C10orf67: variants seen among roughly 807,000 people sequenced by gnomAD.
The protein encoded by C10orf67 is chromosome 10 open reading frame 67.
In C10orf67, 60 loss-of-function variants were observed where a neutral mutation model predicts 35.6. The observed-to-expected ratio is 1.68, with a 90% confidence interval of 1.37 to 2.09. The LOEUF (loss-of-function observed/expected upper bound fraction) is 2.09. C10orf67 is among the 30% of genes most tolerant of loss of function. The pLI is 0.00. For missense variants in C10orf67, 474 were observed against 330.2 expected, an observed-to-expected ratio of 1.44 and a Z score of -3.38; for synonymous variants, 167 against 115.8, an observed-to-expected ratio of 1.44 and a Z score of -2.84.
intron 8 of C10orf67, among the ~76,000 whole-genome samples, chr10:23,279,885 C>A (rs1843316721): frequency 6.6e-6 from 1 of 152,044 alleles, no homozygotes; most frequent in Non-Finnish European, 1.5e-5. Context: ...GTGTCTTGCT[C>A]TGTCGCCCGG....
chr10:23,233,301 A>C (rs1164945381), intron 13 of C10orf67, among the ~76,000 whole-genome samples: 1 of 152,234 alleles, frequency 6.6e-6, no homozygotes, highest in Non-Finnish European at 1.5e-5. Flanking sequence ...AAGGTTAAAA[A>C]ACACAACATA....
intron 15 of C10orf67, among the ~76,000 whole-genome samples, chr10:23,215,668 C>G (rs1841413250): frequency 6.6e-6 from 1 of 151,878 alleles, no homozygotes; most frequent in African/African-American, 2.4e-5. Context: ...CCTTTATATC[C>G]AAACTACATA....
intron 5 of C10orf67, among the ~76,000 whole-genome samples, chr10:23,302,831 A>G (rs1844130820): frequency 6.6e-6 from 1 of 152,232 alleles, no homozygotes; most frequent in Non-Finnish European, 1.5e-5. Flanking sequence ...TGCAACAGGA[A>G]AAACTGAGGG....
chr10:23,293,441 T>C (rs1262847356), intron 5 of C10orf67, among the ~76,000 whole-genome samples: 1 of 152,192 alleles, frequency 6.6e-6, no homozygotes, highest in Non-Finnish European at 1.5e-5. Flanking sequence ...CGGTGCTCTG[T>C]TACACTCTGA....
At chr10:23,309,613 A>G (rs962954720) in intron 4 of C10orf67, among the ~76,000 whole-genome samples, 5 of 152,212 alleles carry the variant, frequency 3.3e-5, no homozygotes, top group African/African-American at 1.2e-4. Context: ...ATTATGAGAA[A>G]GTGATGCAGG....
At chr10:23,303,714 T>C (rs1307903673) in intron 4 of C10orf67, among the ~76,000 whole-genome samples, 2 of 152,248 alleles carry the variant, frequency 1.3e-5, no homozygotes, top group African/African-American at 4.8e-5. Context: ...ACACAAAGCA[T>C]GGTCAGTTAC....
intron 1 of C10orf67, among the ~76,000 whole-genome samples, chr10:23,337,126 T>TATGAATGAATGA (rs562404120): frequency 2.6e-5 from 4 of 152,078 alleles, no homozygotes; most frequent in African/African-American, 9.7e-5. Flanking sequence ...TCCATACTGA[T>TATGAATGAATGA]ATGAATGAAT....
At chr10:23,261,458 C>T (rs748710011) in intron 10 of C10orf67, among the ~76,000 whole-genome samples, 31 of 152,114 alleles carry the variant, frequency 2.0e-4, no homozygotes, top group East Asian at 9.6e-4. Flanking sequence ...ACCACAGACA[C>T]GCACTAACAC....
At chr10:23,220,281 T>C (rs915733385) in intron 15 of C10orf67, among the ~76,000 whole-genome samples, 2 of 152,140 alleles carry the variant, frequency 1.3e-5, no homozygotes, top group Admixed American at 1.3e-4. Flanking sequence ...GGCTTTAGCT[T>C]GGGATTATAC....
intron 13 of C10orf67, among the ~76,000 whole-genome samples, chr10:23,231,344 A>G (rs1841910108): frequency 1.3e-5 from 2 of 152,136 alleles, no homozygotes. Context: ...CTTGCCCTGG[A>G]CTTTCTCTTT....
chr10:23,206,815 A>G (rs1841169413), intron 15 of C10orf67, among the ~76,000 whole-genome samples: 1 of 152,204 alleles, frequency 6.6e-6, no homozygotes, highest in Non-Finnish European at 1.5e-5. Flanking sequence ...GTCACTAGTT[A>G]CATGAAGTGT....
intron 5 of C10orf67, among the ~76,000 whole-genome samples, chr10:23,291,539 A>T (rs1000089731): frequency 6.6e-6 from 1 of 152,142 alleles, no homozygotes; most frequent in Non-Finnish European, 1.5e-5. Flanking sequence ...TGCCCTCATC[A>T]TTCAGGTCAA....
At chr10:23,272,509 A>G (rs1336224796) in intron 8 of C10orf67, among the ~76,000 whole-genome samples, 1 of 152,220 alleles carries the variant, frequency 6.6e-6, no homozygotes, top group Non-Finnish European at 1.5e-5. Flanking sequence ...TATGATCCAT[A>G]AGTTCTACTT....
intron 13 of C10orf67, among the ~76,000 whole-genome samples, chr10:23,238,380 G>A (rs183224379): frequency 5.9e-4 from 90 of 152,272 alleles, no homozygotes; most frequent in Non-Finnish European, 8.8e-4. Context: ...CTGTGTGGAC[G>A]TATAGATGAA....
intron 13 of C10orf67, among the ~76,000 whole-genome samples, chr10:23,236,205 C>T (rs368504049): frequency 2.9e-5 from 4 of 136,208 alleles, no homozygotes; most frequent in African/African-American, 1.1e-4. Flanking sequence ...GCTGAGATTG[C>T]GCCACTGCAC....
rs1329503488 is a variant in C10orf67 at position 23,303,328 on chromosome 10, A to G, written c.678T>C (p.Tyr226=). Residue 226 remains tyrosine, a synonymous_variant, in exon 5 of 16, where the codon TAT becomes TAC. Coordinates refer to ENST00000636213, the MANE Select transcript of C10orf67 (RefSeq NM_001371909.1). ...CCATTTTGTGAAATCCAAAATCTTT[A>G]TATTGGTCTAGTTCTTCTTTTAATT... ...IKELKEELDQ[Y]KDFGFHKMES... is the part of the protein sequence containing the mutation. 4 of 579,366 alleles carry G rather than the reference A, an allele frequency of 6.9e-6. No individual in the cohort carries two copies. The highest frequency in any genetic ancestry group is 1.2e-5 in the Non-Finnish European group (4 of 324,494). 35.9% of individuals were successfully genotyped at this position (579,366 alleles called of 1,614,324 possible).
chr10:23,287,811 G>C (rs1843595436), intron 7 of C10orf67, among the ~76,000 whole-genome samples: 1 of 152,070 alleles, frequency 6.6e-6, no homozygotes, highest in South Asian at 2.1e-4. Flanking sequence ...GTGGGCAAAG[G>C]ATATGAACAG....
chr10:23,230,570 G>C, intron 13 of C10orf67, among the ~76,000 whole-genome samples: 1 of 151,948 alleles, frequency 6.6e-6, no homozygotes, highest in East Asian at 1.9e-4. Flanking sequence ...ACTGGTAAAG[G>C]ATTAGTATCC....
intron 8 of C10orf67, among the ~76,000 whole-genome samples, chr10:23,281,521 C>G (rs1037680278): frequency 6.6e-6 from 1 of 150,984 alleles, no homozygotes; most frequent in African/African-American, 2.4e-5. Context: ...TGTGGCGGGG[C>G]TGGGGGCTGG....
Sources: gnomAD v4.1 joint callset for allele counts (sites outside exome capture counted in the v4.1 genomes callset) on GRCh38, gnomAD v4.1.1 for gene constraint, MANE v1.5 for transcripts, NCBI Gene and HGNC (gene_info 2026-07-23, HGNC 2026-07-21) for gene names.